SH2D3C: variants seen among roughly 807,000 people sequenced by gnomAD.
SH2D3C encodes SH2 domain-containing protein 3C.
Under a neutral mutation model 75.2 loss-of-function variants are expected in SH2D3C, and 25 were observed. That is an observed-to-expected ratio of 0.33 (90% CI 0.24 to 0.46). The LOEUF (loss-of-function observed/expected upper bound fraction) is 0.46, where lower values mean the gene tolerates loss of function less well. Among genes scored for constraint, SH2D3C ranks in the 20% least tolerant of loss-of-function variants. The pLI, the probability that SH2D3C is intolerant of heterozygous loss-of-function variation, is 1.00. For missense variants in SH2D3C, 933 were observed against 1,165.3 expected (o/e 0.80, Z 2.90); for synonymous variants, 450 against 473.7 (o/e 0.95, Z 0.65).
At chr9:127,760,792 A>G (rs1302793178) in intron 3 of SH2D3C, among the ~76,000 whole-genome samples, 2 of 152,080 alleles carry the variant, frequency 1.3e-5, no homozygotes, top group Admixed American at 6.6e-5. Context: ...GGGTCTGCAC[A>G]CAGTAGGCAC....
intron 9 of SH2D3C, 144 bp from the exon 10 acceptor site, chr9:127,740,513 T>C (rs1844823878): frequency 3.3e-6 from 2 of 604,776 alleles, no homozygotes. Flanking sequence ...GATGACTACT[T>C]TTCATGTCTA....
intron 2 of SH2D3C, among the ~76,000 whole-genome samples, chr9:127,763,137 T>C (rs1845569773): frequency 6.6e-6 from 1 of 152,220 alleles, no homozygotes; most frequent in South Asian, 2.1e-4. Flanking sequence ...CCCAAGGGCT[T>C]CATGAAGCTT....
At chr9:127,777,553 G>A (rs1588530424) in intron 1 of SH2D3C, among the ~76,000 whole-genome samples, 2 of 145,896 alleles carry the variant, frequency 1.4e-5, no homozygotes, top group African/African-American at 5.1e-5. Context: ...ATCCCATGAC[G>A]CCCCCATCCC....
rs1186282044 is a variant in SH2D3C, at chr9:127,741,860, C to T, written c.2016G>A (p.Ala672=). The part of the protein sequence containing the change: ...AALLHKTIQL[A]AELRGTMGNM... ...TGCCCATAGTCCCCCGCAGCTCGGC[C>T]GCCAGCTGAATGGTCTTGTGCAGCA... The change falls in exon 9 of 12, where the codon GCG becomes GCA. Residue 672 remains alanine (A), a synonymous_variant. Coordinates refer to ENST00000314830, the MANE Select transcript of SH2D3C (RefSeq NM_170600.3). 4 of 1,613,350 alleles carry T rather than the reference C, an allele frequency of 2.5e-6. No homozygotes were observed. The highest frequency in any genetic ancestry group is 1.1e-5 in the South Asian group (1 of 91,084).
chr9:127,750,038 CT>C (rs896075510), intron 4 of SH2D3C, among the ~76,000 whole-genome samples: 3 of 152,166 alleles, frequency 2.0e-5, no homozygotes, highest in Non-Finnish European at 4.4e-5. Flanking sequence ...AATCCTCATT[CT>C]TCCAACCACC....
chr9:127,741,241 CTT>C lies in SH2D3C; in HGVS notation c.2088+545_2088+546del, dbSNP rs71495658. 5.2e-3 allele frequency among the ~76,000 whole-genome samples: 718 copies of C among 137,500 alleles called. 1 individual carries two copies. The highest frequency in any genetic ancestry group is 0.017 in the African/African-American group (635 of 37,084). The allele number at this position is 137,500 out of a possible 152,430, so 90.2% of individuals were successfully genotyped here. A position where few individuals can be genotyped will look rare whatever the true frequency, so the allele number is the denominator to read the frequency against. On this transcript the variant is annotated intron_variant, in intron 9 of 11. Transcript: ENST00000314830. ...AAATGGTTGCCACTTTCTTCTTATTCTTTTTTTTTTTTTTTTTGAGACGGAGT... is the reference window on the plus strand; with the variant it reads ...AAATGGTTGCCACTTTCTTCTTATTCTTTTTTTTTTTTTTTGAGACGGAGT...
At position 127,744,828 on chromosome 9, in the gene SH2D3C, C is replaced by T; in HGVS notation, c.1536G>A (p.Glu512=). ...AGCTCCTGGCCTGCTGGCTGGAGGT[C>T]TCAGTCGCTGCCCACTCTCGGCTGC... ...VRGSREWAAT[E]TSSQQARSYG... Residue 512 remains glutamate, a synonymous_variant, in exon 7 of 12, where the codon GAG becomes GAA. Transcript: ENST00000314830. 1.2e-6 allele frequency: 2 copies of T among 1,614,186 alleles called. No homozygotes were observed. The highest frequency in any genetic ancestry group is 1.7e-6 in the Non-Finnish European group (2 of 1,180,028).
intron 10 of SH2D3C, 117 bp from the exon 11 acceptor site, chr9:127,740,005 C>A (rs542933525): frequency 3.0e-6 from 3 of 1,003,996 alleles, no homozygotes; most frequent in Non-Finnish European, 4.3e-6. Context: ...GGAGAGAGCC[C>A]CAAGGGCTCC....
At chr9:127,778,451 T>A in intron 1 of SH2D3C, 140 bp downstream of exon 1, 1 of 745,646 alleles carries the variant, frequency 1.3e-6, no homozygotes. Context: ...GACGCTGGTG[T>A]CCAAAAGCAA....
In SH2D3C at chr9:127,749,511, T is replaced by C. The variant is rs1284373068; in HGVS notation, c.839A>G (p.His280Arg). Residue 280 changes from histidine to arginine, a missense_variant, in exon 5 of 12, where the codon CAC becomes CGC. Physicochemically the swap from His to Arg is conservative, Grantham distance 29. Transcript: ENST00000314830. The surrounding 1 kb of genome is among the most constrained non-coding windows in gnomAD (Gnocchi z 5.9). The stretch of plus-strand genomic sequence containing the variant: ...CTCCTGCTCAAACAGGTACTGGATG[T>C]GTGTGTAGCTCTCGCCTGCCTTCAC... Reference protein sequence around the residue: ...VVVKAGESYTHIQYLFEQESF... With the variant: ...VVVKAGESYTRIQYLFEQESF... 1.2e-6 allele frequency: 2 copies of C among 1,614,038 alleles called. No individual in the cohort carries two copies. The highest frequency in any genetic ancestry group is 1.7e-6 in the Non-Finnish European group (2 of 1,180,006).
chr9:127,756,025 G>C (rs955082346), intron 3 of SH2D3C, among the ~76,000 whole-genome samples: 1 of 152,220 alleles, frequency 6.6e-6, no homozygotes, highest in Admixed American at 6.5e-5. Flanking sequence ...TTTTGGCCTG[G>C]CATGGTGGCT....
rs966214710 is a variant in SH2D3C at position 127,742,044 on chromosome 9, G to T, written c.1917-85C>A. ...CTGGGGCGCTGCCTGTGGTTGGGCC[G>T]GGAGAGGCGGAGGGCGGAGCCAACG... On this transcript the variant is annotated intron_variant, in intron 8 of 11. Transcript: ENST00000314830. 4 of 1,350,322 alleles carry T rather than the reference G, an allele frequency of 3.0e-6. No homozygotes were observed. In the East Asian group the frequency reaches 9.9e-5, roughly 34 times the overall value. 83.6% of individuals were successfully genotyped at this position (1,350,322 alleles called of 1,614,324 possible). A position where few individuals can be genotyped will look rare whatever the true frequency, so the allele number is the denominator to read the frequency against.
At chr9:127,772,495 T>G (rs1845754518) in intron 2 of SH2D3C, among the ~76,000 whole-genome samples, 1 of 152,116 alleles carries the variant, frequency 6.6e-6, no homozygotes, top group Admixed American at 6.6e-5. Context: ...CTCCTGACCT[T>G]GTGATCTGCC....
chr9:127,741,988 G>A (rs748410763), intron 8 of SH2D3C, 29 bp from the exon 9 acceptor site: 3 of 1,579,042 alleles, frequency 1.9e-6, no homozygotes, highest in Non-Finnish European at 2.6e-6. Context: ...CAGAGGCGGC[G>A]GGCTCGGGGA....
intron 3 of SH2D3C, among the ~76,000 whole-genome samples, chr9:127,760,482 A>G: frequency 6.6e-6 from 1 of 152,146 alleles, no homozygotes; most frequent in East Asian, 1.9e-4. Context: ...ATTAGGAAAA[A>G]TACCTAATGT....
chr9:127,762,577 C>A (rs1222661031), intron 2 of SH2D3C: 1 of 152,294 alleles, frequency 6.6e-6, no homozygotes, highest in Non-Finnish European at 1.5e-5. Flanking sequence ...CAGCTCCACG[C>A]CCAGTCCACC....
chr9:127,748,518 G>C (rs1845101500), intron 5 of SH2D3C, among the ~76,000 whole-genome samples: 1 of 152,166 alleles, frequency 6.6e-6, no homozygotes, highest in Non-Finnish European at 1.5e-5. Flanking sequence ...TTTGAATCTT[G>C]ATCCTACCAC....
At chr9:127,747,644 A>C (rs1845073844) in intron 5 of SH2D3C, among the ~76,000 whole-genome samples, 1 of 151,422 alleles carries the variant, frequency 6.6e-6, no homozygotes, top group African/African-American at 2.4e-5. Flanking sequence ...AGTTCAAGAC[A>C]TTCTCCTGCT....
chr9:127,739,731 C>A lies in SH2D3C; in HGVS notation c.2358G>T (p.Val786=). The change falls in exon 11 of 12, where the codon GTG becomes GTT. Residue 786 remains valine (V), a synonymous_variant. Transcript: ENST00000314830. The surrounding 1 kb of genome is among the most constrained non-coding windows in gnomAD (Gnocchi z 4.3). ...TGTGGTACAGGCCTCCGTGGTGTGC[C>A]ACTGTGCGGGCGGCCTCCAGGTGAG... ...VLAHLEAART[V]AHHGGLYHTN... 6.2e-7 allele frequency: 1 copy of A among 1,610,840 alleles called. No individual in the cohort carries two copies. Among genetic ancestry groups the A allele is most frequent in the South Asian group, 1.1e-5 (1 of 90,850 alleles).
Sources: allele counts gnomAD v4.1 joint callset (sites outside exome capture counted in the v4.1 genomes callset), GRCh38; gene constraint gnomAD v4.1.1; non-coding constraint Gnocchi (gnomAD v3.1); transcripts MANE v1.5; gene names NCBI Gene and HGNC (gene_info 2026-07-23, HGNC 2026-07-21).